ZBTB43: variants seen among roughly 807,000 people sequenced by gnomAD.
ZBTB43 encodes the protein zinc finger and BTB domain-containing protein 43.
In ZBTB43, 6 loss-of-function variants were observed where a neutral mutation model predicts 31.1. The observed-to-expected ratio is 0.19, with a 90% CI of 0.11 to 0.38. ZBTB43 has a LOEUF of 0.38. ZBTB43 is among the 10% of genes least tolerant of loss of function. ZBTB43 has a pLI of 1.00. For synonymous variants in ZBTB43, 212 were observed against 221.7 expected, an observed-to-expected ratio of 0.96 and a Z score of 0.39; for missense variants, 379 against 602.1, an observed-to-expected ratio of 0.63 and a Z score of 3.88.
intron 2 of ZBTB43, among the ~76,000 whole-genome samples, chr9:126,821,949 G>A (rs1378460028): frequency 2.6e-5 from 4 of 151,886 alleles, no homozygotes; most frequent in African/African-American, 9.7e-5. Flanking sequence ...TGCAACCTCC[G>A]TCTCCTGGGT....
At position 126,832,831 on chromosome 9, in the gene ZBTB43, A is replaced by G. The variant is rs1330100730; in HGVS notation, c.322A>G (p.Ser108Gly). The G allele has an allele frequency of 2.5e-6, 4 of 1,614,176 alleles. No individual in the cohort carries two copies. The highest frequency in any genetic ancestry group is 1.6e-4 in the Middle Eastern group (1 of 6,062). Residue 108 changes from serine to glycine, a missense_variant, in exon 3 of 3, where the codon AGC (serine) becomes GGC (glycine). By Grantham distance (56) the Ser-to-Gly change is moderately conservative (BLOSUM62 0). This residue lies in a region of ZBTB43 where 79 missense variants were observed against 134.4 expected (regional missense o/e 0.59). Transcript: ENST00000373464. ...PEIVSYLTAASFLQMWHVVDK... is the reference protein window; with the variant it reads ...PEIVSYLTAAGFLQMWHVVDK... ...AATTGTTAGTTACTTGACAGCGGCA[A>G]GCTTCCTCCAGATGTGGCATGTGGT...
At chr9:126,814,393 C>A (rs2032327125) in intron 2 of ZBTB43, among the ~76,000 whole-genome samples, 1 of 62,816 alleles carries the variant, frequency 1.6e-5, no homozygotes, top group Non-Finnish European at 3.3e-5. Context: ...TTGAAATTTA[C>A]TTTGATATTA....
At chr9:126,804,878 T>C (rs1163868274), upstream of ZBTB43, 1 of 152,504 alleles carries the variant, frequency 6.6e-6, no homozygotes, top group Non-Finnish European at 1.5e-5. Flanking sequence ...CTCCAGAGTG[T>C]ACTGCGCAGG....
rs143944729 is a variant in ZBTB43, at chr9:126,819,578, C to T, written c.-24+10663C>T. On this transcript the variant is annotated intron_variant, in intron 2 of 2. Transcript: ENST00000373464. Reference sequence around the variant, plus strand: ...CTGACTACTCCACTGACCCACCATTCCCCCATCTTTCCCCCTCTGTTCAGG... The same window carrying T: ...CTGACTACTCCACTGACCCACCATTTCCCCATCTTTCCCCCTCTGTTCAGG... Among the ~76,000 whole-genome samples the T allele has an allele frequency of 4.2e-3, 641 of 151,772 alleles. 6 individuals carry two copies. The highest frequency in any genetic ancestry group is 0.014 in the African/African-American group (586 of 41,356).
At chr9:126,827,130 C>T (rs545507552) in intron 2 of ZBTB43, among the ~76,000 whole-genome samples, 1 of 152,238 alleles carries the variant, frequency 6.6e-6, no homozygotes, top group South Asian at 2.1e-4. Flanking sequence ...GTCTGTATTC[C>T]TTGTTCCATG....
intron 2 of ZBTB43, among the ~76,000 whole-genome samples, chr9:126,823,334 GA>G (rs1257633486): frequency 1.3e-5 from 2 of 152,074 alleles, no homozygotes; most frequent in Non-Finnish European, 1.5e-5. Context: ...TTTCTTGATA[GA>G]TTGAACCTTT....
chr9:126,821,389 AAAAAG>A (rs911956621), intron 2 of ZBTB43, among the ~76,000 whole-genome samples: 28 of 152,110 alleles, frequency 1.8e-4, no homozygotes, highest in African/African-American at 6.5e-4. Flanking sequence ...AAAAAAAGAA[AAAAAG>A]AAACACAAAA....
rs901788475 is a variant in ZBTB43, at chr9:126,805,042, A to T, written c.-237A>T. 6.6e-6 allele frequency: 1 copy of T among 152,416 alleles called. No individual in the cohort carries two copies. The highest frequency in any genetic ancestry group is 1.5e-5 in the Non-Finnish European group (1 of 68,222). 9.4% of individuals were successfully genotyped at this position (152,416 alleles called of 1,614,324 possible). A position where few individuals can be genotyped will look rare whatever the true frequency, so the allele number is the denominator to read the frequency against. ...TCCGGGGGCTGAAGGCACAGGCTGAATCTGTTGCGGCAGCTGAGGCTACAA... is the reference window on the plus strand; with the variant it reads ...TCCGGGGGCTGAAGGCACAGGCTGATTCTGTTGCGGCAGCTGAGGCTACAA... On this transcript the variant is annotated 5_prime_UTR_variant, in exon 1 of 3. Transcript: ENST00000373464.
In ZBTB43 at chr9:126,834,018, T is replaced by TAAA; in HGVS notation, c.*114_*116dup. On this transcript the variant is annotated 3_prime_UTR_variant, in exon 3 of 3. Coordinates refer to ENST00000373464, the MANE Select transcript of ZBTB43 (RefSeq NM_014007.4). ...GCTACTTGCTATTATGAGAGAAGCTTAAAAAAAAAAAGGAAGATATTTCTG... is the reference window on the plus strand; with the variant it reads ...GCTACTTGCTATTATGAGAGAAGCTTAAAAAAAAAAAAAAGGAAGATATTTCTG... 1.0e-6 allele frequency: 1 copy of TAAA among 991,022 alleles called. No individual in the cohort carries two copies. The highest frequency in any genetic ancestry group is 1.4e-6 in the Non-Finnish European group (1 of 734,580). The allele number at this position is 991,022 out of a possible 1,614,324, so 61.4% of individuals were successfully genotyped here. A position where few individuals can be genotyped will look rare whatever the true frequency, so the allele number is the denominator to read the frequency against.
Position 126,833,309 on chromosome 9 carries a change from A to G in ZBTB43, c.800A>G (p.His267Arg), listed in dbSNP as rs759408694. 49 of 1,613,010 alleles carry G rather than the reference A, an allele frequency of 3.0e-5. No individual in the cohort carries two copies. The highest frequency in any genetic ancestry group is 1.0e-4 in the Admixed American group (6 of 59,808). ...GATGTGCACGCGACCTACGACGAGC[A>G]CCAGGTCACAGAGTCCATCAACACC... Reference protein sequence around the residue: ...GMDVHATYDEHQVTESINTVQ... With the variant: ...GMDVHATYDERQVTESINTVQ... Residue 267 changes from histidine to arginine, a missense_variant, in exon 3 of 3, where the codon CAC becomes CGC. His to Arg is a conservative substitution (Grantham distance 29, BLOSUM62 0). Transcript: ENST00000373464. This position sits in a 1 kb window ranked among gnomAD's most constrained non-coding sequence, Gnocchi z 7.9.
At chr9:126,826,347 A>G (rs1454917431) in intron 2 of ZBTB43, among the ~76,000 whole-genome samples, 3 of 145,566 alleles carry the variant, frequency 2.1e-5, no homozygotes, top group South Asian at 2.2e-4. Context: ...GGGTTTCACT[A>G]TGTTGGCCAG....
intron 1 of ZBTB43, among the ~76,000 whole-genome samples, chr9:126,807,234 C>T (rs1460435941): frequency 6.6e-6 from 1 of 152,200 alleles, no homozygotes; most frequent in Admixed American, 6.5e-5. Context: ...TGGCTTAATA[C>T]GCTCTTATCG....
intron 2 of ZBTB43, among the ~76,000 whole-genome samples, chr9:126,818,434 A>G (rs1407672784): frequency 6.6e-6 from 1 of 152,060 alleles, no homozygotes; most frequent in Non-Finnish European, 1.5e-5. Flanking sequence ...GTGTAGAGAC[A>G]GGGTTTTACC....
At chr9:126,814,314 T>A (rs1178519221) in intron 2 of ZBTB43, among the ~76,000 whole-genome samples, 2 of 151,972 alleles carry the variant, frequency 1.3e-5, no homozygotes, top group African/African-American at 2.4e-5. Context: ...AGATGAAATT[T>A]ACATCTGTAA....
rs144478652 is a variant in ZBTB43 at position 126,835,506 on chromosome 9, G to A, written c.*1593G>A. 962 of 167,082 alleles carry A rather than the reference G, an allele frequency of 5.8e-3. 5 individuals are homozygous for A. Among genetic ancestry groups the A allele is most frequent in the Non-Finnish European group, 8.4e-3 (575 of 68,094 alleles). The allele number at this position is 167,082 out of a possible 1,614,324, so 10.3% of individuals were successfully genotyped here. ...TTTATTTGAAAAGTTTGGCTTTGCT[G>A]TAATGTAATAGACATTGCTGGCAAT... On this transcript the variant is annotated 3_prime_UTR_variant, in exon 3 of 3. Coordinates refer to ENST00000373464, the MANE Select transcript of ZBTB43 (RefSeq NM_014007.4).
chr9:126,828,645 A>ATTATTATTATTATT (rs1564206207), intron 2 of ZBTB43, among the ~76,000 whole-genome samples: 214 of 131,494 alleles, frequency 1.6e-3, no homozygotes, highest in African/African-American at 6.8e-3. Context: ...TAATAATAAT[A>ATTATTATTATTATT]ATAATAATAA....
chr9:126,835,238 AC>A lies in ZBTB43; in HGVS notation c.*1326del, dbSNP rs574173499. ...CGACCAGAAAAAAAAAATTAAAAAA[AC>A]AAACAAGAAAAGCAACTATTCTGAG... On this transcript the variant is annotated 3_prime_UTR_variant, in exon 3 of 3. Coordinates refer to ENST00000373464, the MANE Select transcript of ZBTB43 (RefSeq NM_014007.4). The A allele has an allele frequency of 6.0e-6, 1 of 167,090 alleles. No homozygotes were observed. The highest frequency in any genetic ancestry group is 1.5e-5 in the Non-Finnish European group (1 of 68,124). 10.4% of individuals were successfully genotyped at this position (167,090 alleles called of 1,614,324 possible). A position where few individuals can be genotyped will look rare whatever the true frequency, so the allele number is the denominator to read the frequency against.
chr9:126,827,834 C>G (rs1415024968), intron 2 of ZBTB43, among the ~76,000 whole-genome samples: 2 of 151,572 alleles, frequency 1.3e-5, no homozygotes, highest in African/African-American at 4.9e-5. Context: ...ATGGTGAAAC[C>G]CCATCTACAC....
At chr9:126,822,987 A>G (rs757732468) in intron 2 of ZBTB43, among the ~76,000 whole-genome samples, 17 of 152,178 alleles carry the variant, frequency 1.1e-4, no homozygotes, top group Non-Finnish European at 1.9e-4. Flanking sequence ...TGGTGTAAGC[A>G]TTACTTTTAT....
Sources: allele counts gnomAD v4.1 joint callset (sites outside exome capture counted in the v4.1 genomes callset), GRCh38; gene constraint gnomAD v4.1.1; regional missense constraint gnomAD v4.1.1; non-coding constraint Gnocchi (gnomAD v3.1); transcripts MANE v1.5; gene names NCBI Gene and HGNC (gene_info 2026-07-23, HGNC 2026-07-21).